The following ZNF880 variants were observed in gnomAD, a reference collection of about 807,000 sequenced individuals.
ZNF880 encodes zinc finger protein 880.
In ZNF880, 12 loss-of-function variants were observed where a neutral mutation model predicts 11.8. The observed-to-expected ratio is 1.02, with a 90% confidence interval of 0.65 to 1.65. The LOEUF (loss-of-function observed/expected upper bound fraction) is 1.65, where lower values mean the gene tolerates loss of function less well. Among genes scored for constraint, ZNF880 ranks in the 40% most tolerant of loss-of-function variants. The pLI, the probability that ZNF880 is intolerant of heterozygous loss-of-function variation, is 0.00. For missense variants in ZNF880, 601 were observed against 673.9 expected (o/e 0.89, Z 1.20); for synonymous variants, 210 against 232.4 (o/e 0.90, Z 0.88).
At chr19:52,371,304 A>G (rs1021721360) in intron 1 of ZNF880, among the ~76,000 whole-genome samples, 6 of 151,610 alleles carry the variant, frequency 4.0e-5, no homozygotes, top group African/African-American at 7.3e-5. Flanking sequence ...CAGTTAGGTC[A>G]TTGTCTGTCA....
chr19:52,379,392 T>C (rs1327185204), intron 3 of ZNF880: 2 of 434,574 alleles, frequency 4.6e-6, no homozygotes, highest in East Asian at 1.4e-4. Context: ...GGGAATTTAT[T>C]TTCATTTTTC....
At position 52,374,327 on chromosome 19, in the gene ZNF880, C is replaced by T. The variant is rs534460761; in HGVS notation, c.168C>T (p.Ile56=). 2 of 1,613,070 alleles carry T rather than the reference C, an allele frequency of 1.2e-6. No individual in the cohort carries two copies. The highest frequency in any genetic ancestry group is 1.1e-5 in the South Asian group (1 of 91,024). The change falls in exon 3 of 4, where the codon ATC becomes ATT. Residue 56 remains isoleucine, a synonymous_variant. Coordinates refer to ENST00000422689, the MANE Select transcript of ZNF880 (RefSeq NM_001145434.2). ...LGICLPDLSV[I]SMLEQRRDPR... The stretch of plus-strand genomic sequence containing the variant: ...TCTGTCTTCCTGACCTGAGTGTTAT[C>T]TCCATGTTGGAGCAAAGGAGAGATC...
At chr19:52,378,433 A>G (rs1043160012) in intron 3 of ZNF880, among the ~76,000 whole-genome samples, 1 of 151,810 alleles carries the variant, frequency 6.6e-6, no homozygotes, top group African/African-American at 2.4e-5. Flanking sequence ...TCAGAAAGTC[A>G]GGGGATCGAA....
chr19:52,392,177 G>A, the ZNF880 span, among the ~76,000 whole-genome samples: 12 of 152,170 alleles, frequency 7.9e-5, no homozygotes, highest in Admixed American at 7.9e-4. Context: ...ATGTTACACA[G>A]GACACAGATC....
chr19:52,396,929 T>G, the ZNF880 span: 1 of 152,066 alleles, frequency 6.6e-6, no homozygotes, highest in African/African-American at 2.4e-5. Flanking sequence ...GCAGAGACCC[T>G]GTCTTAAAAT....
upstream of ZNF880, chr19:52,367,504 ATAG>A: frequency 6.6e-6 from 1 of 152,216 alleles, no homozygotes; most frequent in Non-Finnish European, 1.5e-5. Context: ...AGGATACTTT[ATAG>A]TAGAGAATAA....
chr19:52,380,065 T>A (rs962774686), intron 3 of ZNF880: 1 of 152,042 alleles, frequency 6.6e-6, no homozygotes, highest in African/African-American at 2.4e-5. Context: ...ACCCATCTAA[T>A]TTTTGTACTT....
At chr19:52,396,499 C>T in the ZNF880 span, 2 of 152,264 alleles carry the variant, frequency 1.3e-5, no homozygotes, top group Admixed American at 6.5e-5. Context: ...ATCCCAGTGA[C>T]CTAGGTGAGA....
At chr19:52,368,949 C>A (rs1986245353), upstream of ZNF880, among the ~76,000 whole-genome samples, 1 of 111,618 alleles carries the variant, frequency 9.0e-6, no homozygotes, top group Non-Finnish European at 1.7e-5. Flanking sequence ...GCACTTCAGC[C>A]TGAAAGACAG....
chr19:52,378,162 A>G (rs745970587), intron 3 of ZNF880, among the ~76,000 whole-genome samples: 7 of 152,194 alleles, frequency 4.6e-5, no homozygotes, highest in South Asian at 2.1e-4. Flanking sequence ...CCTATCACCC[A>G]GAACATTCCA....
chr19:52,367,791 A>T (rs1385594686), upstream of ZNF880: 1 of 152,142 alleles, frequency 6.6e-6, no homozygotes, highest in Non-Finnish European at 1.5e-5. Flanking sequence ...GTGTTTCTAC[A>T]TGCCTCTTTC....
At chr19:52,379,966 C>T (rs758856749) in intron 3 of ZNF880, 1 of 152,054 alleles carries the variant, frequency 6.6e-6, no homozygotes, top group Non-Finnish European at 1.5e-5. Flanking sequence ...TATACAATCT[C>T]AGTTCACTGC....
downstream of ZNF880, chr19:52,390,219 C>T (rs1048860791): frequency 2.6e-5 from 6 of 231,600 alleles, no homozygotes; most frequent in Non-Finnish European, 4.6e-5. Flanking sequence ...GTGTCCCCTG[C>T]ACTGGCCCGC....
At chr19:52,386,091 T>C (rs978392443), downstream of ZNF880, among the ~76,000 whole-genome samples, 15 of 135,638 alleles carry the variant, frequency 1.1e-4, 3 homozygotes, top group African/African-American at 4.2e-4. Flanking sequence ...AGGACAATGG[T>C]GTGAACCTGG....
intron 1 of ZNF880, 60 bp downstream of exon 1, chr19:52,370,037 C>T (rs2122336832): frequency 3.2e-6 from 5 of 1,548,284 alleles, no homozygotes; most frequent in East Asian, 2.4e-5. Flanking sequence ...GCTTCTGTAC[C>T]CGGCATCTCA....
At chr19:52,376,488 T>G (rs1468043689) in intron 3 of ZNF880, among the ~76,000 whole-genome samples, 4 of 98,496 alleles carry the variant, frequency 4.1e-5, no homozygotes, top group Non-Finnish European at 8.7e-5. Flanking sequence ...ATTCATGTCC[T>G]TAGCACCGCC....
chr19:52,377,755 C>A (rs150142137), intron 3 of ZNF880, among the ~76,000 whole-genome samples: 2 of 152,266 alleles, frequency 1.3e-5, no homozygotes, highest in East Asian at 1.9e-4. Flanking sequence ...GGGGGAGGCA[C>A]GTGGGAAGAT....
intron 3 of ZNF880, among the ~76,000 whole-genome samples, chr19:52,381,247 G>A (rs162127): frequency 0.16 from 24,552 of 152,094 alleles, 2,191 homozygotes; most frequent in African/African-American, 0.24. Context: ...ACTGCATCCA[G>A]CCTCATTCTG....
At chr19:52,371,979 A>G (rs952656297) in intron 1 of ZNF880, among the ~76,000 whole-genome samples, 1 of 151,884 alleles carries the variant, frequency 6.6e-6, no homozygotes, top group Non-Finnish European at 1.5e-5. Flanking sequence ...TGCTGAGGTC[A>G]GGAGTTCAAG....
Sources: allele counts gnomAD v4.1 joint callset (sites outside exome capture counted in the v4.1 genomes callset), GRCh38; gene constraint gnomAD v4.1.1; transcripts MANE v1.5; gene names NCBI Gene and HGNC (gene_info 2026-07-23, HGNC 2026-07-21).